Variants in CBFB observed in about 807,000 individuals in gnomAD.
CBFB encodes the protein core-binding factor subunit beta.
A neutral mutation model predicts 30.4 loss-of-function variants in CBFB; 9 were observed. The observed-to-expected ratio is 0.30, with a 90% confidence interval of 0.18 to 0.52. The LOEUF is 0.52. Ranked by LOEUF, CBFB falls within the 20% of genes least tolerant of loss-of-function variation. CBFB has a pLI of 0.97. For missense variants in CBFB, 170 were observed against 244.0 expected (o/e 0.70, Z 2.02); for synonymous variants, 94 against 84.0 (o/e 1.12, Z -0.65).
At position 67,036,812 on chromosome 16, in the gene CBFB, C is replaced by G. The variant is rs1597122791; in HGVS notation, c.282+57C>G. On this transcript the variant is annotated intron_variant, in intron 3 of 5. Transcript: ENST00000412916. ...TGTGGGTTGTTTTGTTAGAGATTAT[C>G]TGGTAATTTACATTTTAATAAAGAT... The G allele has an allele frequency of 4.2e-6, 4 of 950,028 alleles. No individual in the cohort carries two copies. The African/African-American group carries it at 6.5e-5, about 15-fold the overall frequency. 58.8% of individuals were successfully genotyped at this position (950,028 alleles called of 1,614,324 possible).
intron 4 of CBFB, among the ~76,000 whole-genome samples, chr16:67,081,009 G>A (rs1039824030): frequency 1.3e-5 from 2 of 151,612 alleles, no homozygotes; most frequent in Admixed American, 1.3e-4. Context: ...TAAGTTTTAG[G>A]GTACGTGTAC....
At chr16:67,084,326 AAG>A (rs1961656971) in intron 5 of CBFB, among the ~76,000 whole-genome samples, 1 of 152,126 alleles carries the variant, frequency 6.6e-6, no homozygotes, top group South Asian at 2.1e-4. Context: ...GAAATAGAAA[AAG>A]CACACATTCA....
At chr16:67,057,262 C>T (rs756750737) in intron 3 of CBFB, among the ~76,000 whole-genome samples, 1 of 152,200 alleles carries the variant, frequency 6.6e-6, no homozygotes, top group Non-Finnish European at 1.5e-5. Context: ...GGATTACAGG[C>T]GTGAGCCACC....
At chr16:67,032,174 A>G (rs559701892) in intron 2 of CBFB, among the ~76,000 whole-genome samples, 3 of 152,306 alleles carry the variant, frequency 2.0e-5, no homozygotes, top group Non-Finnish European at 2.9e-5. Flanking sequence ...AGTGTTTGTC[A>G]TGAATTTATT....
intron 5 of CBFB, among the ~76,000 whole-genome samples, chr16:67,098,038 T>C (rs879087175): frequency 8.5e-5 from 13 of 152,372 alleles, no homozygotes; most frequent in Admixed American, 8.5e-4. Context: ...AGAGTTTGCT[T>C]CTAAGGCACT....
At chr16:67,063,694 G>C (rs1960973585) in intron 3 of CBFB, among the ~76,000 whole-genome samples, 1 of 152,082 alleles carries the variant, frequency 6.6e-6, no homozygotes, top group African/African-American at 2.4e-5. Context: ...GGCCTCCTAA[G>C]GGGCTAGGAT....
At chr16:67,044,899 A>G (rs1001043879) in intron 3 of CBFB, among the ~76,000 whole-genome samples, 3 of 152,344 alleles carry the variant, frequency 2.0e-5, no homozygotes, top group African/African-American at 7.2e-5. Context: ...TTTCTTCAAG[A>G]GAAATTAGAC....
intron 5 of CBFB, among the ~76,000 whole-genome samples, chr16:67,087,614 T>G (rs533814282): frequency 2.0e-5 from 3 of 152,230 alleles, no homozygotes; most frequent in Non-Finnish European, 4.4e-5. Context: ...TTTAAAATGT[T>G]GGAAGAATAT....
intron 4 of CBFB, among the ~76,000 whole-genome samples, chr16:67,072,639 T>C (rs1961259289): frequency 6.6e-6 from 1 of 152,076 alleles, no homozygotes; most frequent in Non-Finnish European, 1.5e-5. Context: ...GCTAATTTTG[T>C]ATTTTTAGTA....
chr16:67,034,650 C>T (rs1966411495), intron 2 of CBFB, among the ~76,000 whole-genome samples: 1 of 152,150 alleles, frequency 6.6e-6, no homozygotes, highest in South Asian at 2.1e-4. Flanking sequence ...GGCATCAAGA[C>T]AGGAGATGAG....
intron 3 of CBFB, among the ~76,000 whole-genome samples, chr16:67,060,122 T>A (rs1960858633): frequency 6.6e-6 from 1 of 151,988 alleles, no homozygotes; most frequent in Non-Finnish European, 1.5e-5. Flanking sequence ...GGACTGCATT[T>A]GTGTGACACC....
At chr16:67,069,139 G>A (rs558986146) in intron 4 of CBFB, among the ~76,000 whole-genome samples, 24 of 152,112 alleles carry the variant, frequency 1.6e-4, no homozygotes, top group Non-Finnish European at 2.4e-4. Context: ...ACTTGAACCC[G>A]GGAGGTGGAG....
intron 2 of CBFB, among the ~76,000 whole-genome samples, chr16:67,030,751 C>CA: frequency 6.6e-6 from 1 of 152,270 alleles, no homozygotes; most frequent in Middle Eastern, 3.4e-3. Context: ...AGGTGCCTGC[C>CA]ACCACGCCCG....
At chr16:67,090,555 G>A (rs891603083) in intron 5 of CBFB, among the ~76,000 whole-genome samples, 1 of 152,176 alleles carries the variant, frequency 6.6e-6, no homozygotes, top group African/African-American at 2.4e-5. Context: ...TAGAAAGATA[G>A]CAACTTGTAC....
intron 4 of CBFB, among the ~76,000 whole-genome samples, chr16:67,071,075 A>T (rs770040380): frequency 2.6e-4 from 39 of 152,138 alleles, no homozygotes; most frequent in Non-Finnish European, 1.2e-4. Flanking sequence ...TAGTAAAAAA[A>T]ATTCAGAGCA....
rs765268577 is a variant in CBFB at position 67,098,711 on chromosome 16, C to A, written c.497C>A (p.Ala166Glu). Reference sequence around the variant, plus strand: ...CAAATTATGATTTTGTCATTGCAGGCAAGAAGACAACAAGACCCTAGTCCT... The same window carrying A: ...CAAATTATGATTTTGTCATTGCAGGAAAGAAGACAACAAGACCCTAGTCCT... ...RDRSHREEME[A>E]RRQQDPSPGS... The change falls in exon 6 of 6, where the codon GCA becomes GAA. Residue 166 changes from alanine (A) to glutamate (E), a missense_variant and splice_region_variant. By Grantham distance (107) the Ala-to-Glu change is moderately radical (BLOSUM62 -1). Coordinates refer to ENST00000412916, the MANE Select transcript of CBFB (RefSeq NM_022845.3). 8 of 1,601,296 alleles carry A rather than the reference C, an allele frequency of 5.0e-6. No homozygotes were observed. The highest frequency in any genetic ancestry group is 2.2e-5 in the South Asian group (2 of 90,562).
chr16:67,064,568 G>A (rs1297563396), intron 3 of CBFB, among the ~76,000 whole-genome samples: 1 of 152,140 alleles, frequency 6.6e-6, no homozygotes, highest in Non-Finnish European at 1.5e-5. Flanking sequence ...GAAGATTGTA[G>A]AAACTGTAAT....
chr16:67,097,609 T>G (rs1389948640), intron 5 of CBFB, among the ~76,000 whole-genome samples: 1 of 152,182 alleles, frequency 6.6e-6, no homozygotes, highest in African/African-American at 2.4e-5. Context: ...TTTATATTTC[T>G]ATTTTTAACA....
intron 5 of CBFB, among the ~76,000 whole-genome samples, chr16:67,085,108 T>A (rs1961684051): frequency 6.6e-6 from 1 of 151,974 alleles, no homozygotes; most frequent in Non-Finnish European, 1.5e-5. Flanking sequence ...CATTTAAAAA[T>A]CAAGCCTATT....
Sources: allele counts gnomAD v4.1 joint callset (sites outside exome capture counted in the v4.1 genomes callset), GRCh38; gene constraint gnomAD v4.1.1; transcripts MANE v1.5; gene names NCBI Gene and HGNC (gene_info 2026-07-23, HGNC 2026-07-21).